ARHGAP5: variants seen among roughly 807,000 people sequenced by gnomAD.
ARHGAP5 encodes the protein Rho GTPase activating protein 5.
Under a neutral mutation model 116.6 loss-of-function variants are expected in ARHGAP5, and 23 were observed. That is an observed-to-expected ratio of 0.20 (90% CI 0.14 to 0.28). The LOEUF (loss-of-function observed/expected upper bound fraction) is 0.28, where lower values mean the gene tolerates loss of function less well. Ranked by LOEUF, ARHGAP5 falls within the 10% of genes least tolerant of loss-of-function variation. The pLI, the probability that ARHGAP5 is intolerant of heterozygous loss-of-function variation, is 1.00. For synonymous variants in ARHGAP5, 574 were observed against 602.0 expected (o/e 0.95, Z 0.68); for missense variants, 1,405 against 1,774.8 (o/e 0.79, Z 3.74).
At chr14:32,140,050 A>G (rs568316728) in intron 3 of ARHGAP5, among the ~76,000 whole-genome samples, 1 of 79,810 alleles carries the variant, frequency 1.3e-5, no homozygotes, top group Non-Finnish European at 2.6e-5. Flanking sequence ...TGTATATTCC[A>G]CTTCCTTTTC....
At chr14:32,112,807 C>G (rs866025226) in intron 2 of ARHGAP5, among the ~76,000 whole-genome samples, 23 of 151,926 alleles carry the variant, frequency 1.5e-4, no homozygotes, top group South Asian at 6.2e-4. Context: ...GAAGGCGGAG[C>G]TTGCAGTGAG....
intron 1 of ARHGAP5, among the ~76,000 whole-genome samples, chr14:32,088,186 A>G (rs2041849627): frequency 6.6e-6 from 1 of 151,930 alleles, no homozygotes; most frequent in Non-Finnish European, 1.5e-5. Context: ...GGACGGTTTT[A>G]CTTTTATATG....
chr14:32,122,235 A>T (rs1025743152), intron 3 of ARHGAP5, among the ~76,000 whole-genome samples: 2 of 152,130 alleles, frequency 1.3e-5, no homozygotes, highest in African/African-American at 2.4e-5. Flanking sequence ...AATGTATCTC[A>T]TATGATTTTG....
chr14:32,098,299 G>C (rs1389844889), intron 2 of ARHGAP5, among the ~76,000 whole-genome samples: 1 of 152,132 alleles, frequency 6.6e-6, no homozygotes, highest in Non-Finnish European at 1.5e-5. Context: ...ACAGACCTCT[G>C]GTTTACTGCT....
chr14:32,142,498 C>G (rs983506777), intron 3 of ARHGAP5, among the ~76,000 whole-genome samples: 1 of 152,168 alleles, frequency 6.6e-6, no homozygotes, highest in African/African-American at 2.4e-5. Context: ...GAAGTCTGTT[C>G]TATTCACTTT....
chr14:32,088,227 A>T (rs940441679), intron 1 of ARHGAP5, among the ~76,000 whole-genome samples: 3 of 151,872 alleles, frequency 2.0e-5, no homozygotes, highest in African/African-American at 7.2e-5. Flanking sequence ...TTCAGAATAG[A>T]TGTTTGTTTA....
Position 32,092,447 on chromosome 14 carries a change from T to C in ARHGAP5, c.1778T>C (p.Ile593Thr), listed in dbSNP as rs753166700. ...AGATTATATCACGATAGTACCAATA[T>C]AGATAAAGTTAACCTTTTTATTTTA... ...RLRLYHDSTNIDKVNLFILGK... is the reference protein window; with the variant it reads ...RLRLYHDSTNTDKVNLFILGK... The change falls in exon 2 of 7, where the codon ATA becomes ACA. Residue 593 changes from isoleucine to threonine, a missense_variant. Coordinates refer to ENST00000345122, the MANE Select transcript of ARHGAP5 (RefSeq NM_001030055.2). The surrounding 1 kb of genome is among the most constrained non-coding windows in gnomAD (Gnocchi z 4.1). The C allele has an allele frequency of 1.2e-6, 2 of 1,613,842 alleles. No individual in the cohort carries two copies. Among genetic ancestry groups the C allele is most frequent in the African/African-American group, 2.7e-5 (2 of 74,936 alleles).
At chr14:32,143,230 G>GTTATTATTATTATTA (rs1410461691) in intron 3 of ARHGAP5, among the ~76,000 whole-genome samples, 43 of 149,656 alleles carry the variant, frequency 2.9e-4, no homozygotes, top group African/African-American at 1.1e-3. Flanking sequence ...TGTTGTTGTT[G>GTTATTATTATTATTA]TTGTTGTTGT....
At position 32,092,933 on chromosome 14, in the gene ARHGAP5, A is replaced by G; in HGVS notation, c.2264A>G (p.Glu755Gly). 1 of 1,614,016 alleles carries G rather than the reference A, an allele frequency of 6.2e-7. No homozygotes were observed. The highest frequency in any genetic ancestry group is 8.5e-7 in the Non-Finnish European group (1 of 1,179,938). The change falls in exon 2 of 7, where the codon GAA (glutamate) becomes GGA (glycine). Residue 755 changes from glutamate to glycine, a missense_variant. This residue lies in a region of ARHGAP5 where 944 missense variants were observed against 1,095.3 expected (regional missense o/e 0.86). Transcript: ENST00000345122. This position sits in a 1 kb window ranked among gnomAD's most constrained non-coding sequence, Gnocchi z 4.1. ...AAGCAAGCTCTCAGAGGAGTATTGG[A>G]ATCAGTTAAACACAATTTGGATGTG... The part of the protein sequence containing the change: ...QIKQALRGVL[E>G]SVKHNLDVVS...
intron 2 of ARHGAP5, among the ~76,000 whole-genome samples, chr14:32,099,247 A>T (rs1030192400): frequency 6.6e-6 from 1 of 152,234 alleles, no homozygotes; most frequent in Non-Finnish European, 1.5e-5. Flanking sequence ...AGTGGAAATT[A>T]TAACAATTAT....
chr14:32,094,572 G>C (rs960573916), intron 2 of ARHGAP5, among the ~76,000 whole-genome samples, 186 bp downstream of exon 2: 5 of 152,096 alleles, frequency 3.3e-5, no homozygotes, highest in African/African-American at 1.2e-4. Context: ...TATTGGGGTA[G>C]AGTTTGATTT....
At chr14:32,121,075 A>AG (rs576141223) in intron 3 of ARHGAP5, among the ~76,000 whole-genome samples, 1 of 137,328 alleles carries the variant, frequency 7.3e-6, no homozygotes, top group Non-Finnish European at 1.5e-5. Context: ...TGAAGTGCAG[A>AG]GGTGTAACTT....
intron 2 of ARHGAP5, among the ~76,000 whole-genome samples, chr14:32,105,019 C>T (rs1326121465): frequency 2.0e-5 from 3 of 152,100 alleles, no homozygotes; most frequent in Non-Finnish European, 2.9e-5. Context: ...AATTGCTAAA[C>T]TGAATTGCAG....
chr14:32,091,350 A>G lies in ARHGAP5; in HGVS notation c.681A>G (p.Thr227=). 6.2e-7 allele frequency: 1 copy of G among 1,613,238 alleles called. No homozygotes were observed. The highest frequency in any genetic ancestry group is 8.5e-7 in the Non-Finnish European group (1 of 1,179,582). The change falls in exon 2 of 7, where the codon ACA becomes ACG. Residue 227 remains threonine, a synonymous_variant. Transcript: ENST00000345122. Reference sequence around the variant, plus strand: ...AAAAGAACCTTCTTGTAGTGGAAACATCAGCACGATTTAATGTCAACATTG... The same window carrying G: ...AAAAGAACCTTCTTGTAGTGGAAACGTCAGCACGATTTAATGTCAACATTG... ...SNKKNLLVVE[T]SARFNVNIET...
At chr14:32,081,432 C>G (rs2041771835) in intron 1 of ARHGAP5, among the ~76,000 whole-genome samples, 2 of 151,458 alleles carry the variant, frequency 1.3e-5, no homozygotes, top group South Asian at 4.2e-4. Context: ...ATGTGTAGTC[C>G]TAGCTACTTG....
At chr14:32,124,823 A>G (rs745424989) in intron 3 of ARHGAP5, among the ~76,000 whole-genome samples, 6 of 152,292 alleles carry the variant, frequency 3.9e-5, no homozygotes, top group African/African-American at 9.6e-5. Context: ...GTGTCTAGAT[A>G]TTAATGTAAA....
intron 2 of ARHGAP5, among the ~76,000 whole-genome samples, chr14:32,115,031 C>CA (rs1365135565): frequency 6.6e-6 from 1 of 152,086 alleles, no homozygotes; most frequent in East Asian, 1.9e-4. Context: ...AACTGAAAAA[C>CA]CAACAAGGGC....
chr14:32,138,836 T>G (rs1190135201), intron 3 of ARHGAP5, among the ~76,000 whole-genome samples: 1 of 152,178 alleles, frequency 6.6e-6, no homozygotes, highest in Non-Finnish European at 1.5e-5. Flanking sequence ...TAGCTCTGGA[T>G]TTTTCATAAA....
At position 32,154,766 on chromosome 14, in the gene ARHGAP5, C is replaced by A; in HGVS notation, c.4327C>A (p.Gln1443Lys). 1 of 1,614,148 alleles carries A rather than the reference C, an allele frequency of 6.2e-7. No individual in the cohort carries two copies. Among genetic ancestry groups the A allele is most frequent in the Non-Finnish European group, 8.5e-7 (1 of 1,180,002 alleles). The change falls in exon 7 of 7, where the codon CAG becomes AAG. Residue 1443 changes from glutamine to lysine, a missense_variant. Transcript: ENST00000345122. ...IHQSVVETFI[Q>K]QCQFFFYNGE... ...TCAATCTGTTGTTGAAACATTCATT[C>A]AGCAGTGTCAGTTTTTCTTTTACAA...
Sources: gnomAD v4.1 joint callset for allele counts (sites outside exome capture counted in the v4.1 genomes callset) on GRCh38, gnomAD v4.1.1 for gene constraint, gnomAD v4.1.1 regional missense constraint, Gnocchi (gnomAD v3.1) non-coding constraint, MANE v1.5 for transcripts, NCBI Gene and HGNC (gene_info 2026-07-23, HGNC 2026-07-21) for gene names.